Variants in DAPK2 observed in about 807,000 individuals in gnomAD.
DAPK2 encodes the protein death associated protein kinase 2.
Under a neutral mutation model 44.1 loss-of-function variants are expected in DAPK2, and 35 were observed. The observed-to-expected ratio is 0.79, with a 90% CI of 0.61 to 1.05. DAPK2 has a LOEUF of 1.05. Ranked by LOEUF, DAPK2 falls within the 50% of genes least tolerant of loss-of-function variation. The pLI is 0.00. For missense variants in DAPK2, 453 were observed against 483.2 expected (o/e 0.94, Z 0.59); for synonymous variants, 174 against 182.6 (o/e 0.95, Z 0.38).
intron 2 of DAPK2, among the ~76,000 whole-genome samples, chr15:63,973,889 G>T (rs1425178514): frequency 1.3e-5 from 2 of 152,042 alleles, no homozygotes; most frequent in South Asian, 2.1e-4. Flanking sequence ...CTCCAGGCAG[G>T]CCCTGGTTTC....
At chr15:63,956,971 T>C (rs1439511508) in intron 3 of DAPK2, among the ~76,000 whole-genome samples, 2 of 152,258 alleles carry the variant, frequency 1.3e-5, no homozygotes, top group Non-Finnish European at 2.9e-5. Flanking sequence ...ATGTGTATTC[T>C]GCAACTATTA....
chr15:63,977,076 C>G (rs28429075), intron 2 of DAPK2, among the ~76,000 whole-genome samples: 4,343 of 148,494 alleles, frequency 0.029, 210 homozygotes, highest in African/African-American at 0.098. Flanking sequence ...TCCAACATAT[C>G]AATGGCATCA....
At position 64,000,852 on chromosome 15, in the gene DAPK2, A is replaced by G. The variant is rs1232835541; in HGVS notation, c.93-17098T>C. On this transcript the variant is annotated intron_variant, in intron 1 of 10. Coordinates refer to ENST00000261891, the Ensembl canonical transcript of DAPK2. ...GCACCCTCTGACTGCTTACTCCCCAATCCTTCTCTTCTTCAAAACACTTGA... is the reference window on the plus strand; with the variant it reads ...GCACCCTCTGACTGCTTACTCCCCAGTCCTTCTCTTCTTCAAAACACTTGA... Among the ~76,000 whole-genome samples the G allele has an allele frequency of 3.3e-5, 5 of 151,930 alleles. No homozygotes were observed. The East Asian group carries it at 9.7e-4, about 30-fold the overall frequency.
chr15:63,954,123 T>C (rs1310502786), intron 3 of DAPK2, among the ~76,000 whole-genome samples: 3 of 152,224 alleles, frequency 2.0e-5, no homozygotes, highest in Non-Finnish European at 2.9e-5. Flanking sequence ...ACTTTGTTGA[T>C]TGTTTTCTTT....
chr15:63,995,294 C>A (rs984349289), intron 1 of DAPK2, among the ~76,000 whole-genome samples: 1 of 152,078 alleles, frequency 6.6e-6, no homozygotes, highest in African/African-American at 2.4e-5. Context: ...GGACTATAGG[C>A]GCCCACCACC....
intron 1 of DAPK2, among the ~76,000 whole-genome samples, chr15:64,018,604 C>T (rs1445324982): frequency 1.3e-5 from 2 of 152,170 alleles, no homozygotes; most frequent in Admixed American, 6.5e-5. Flanking sequence ...GGTCCCACAA[C>T]CCAGGCCACC....
chr15:64,036,317 A>G (rs867231988), intron 1 of DAPK2, among the ~76,000 whole-genome samples: 59 of 102,208 alleles, frequency 5.8e-4, no homozygotes, highest in African/African-American at 1.9e-3. Flanking sequence ...GTGTATATAT[A>G]TGTATATATA....
intron 5 of DAPK2, 44 bp from the exon 7 acceptor site, chr15:63,929,621 T>A: frequency 1.2e-6 from 2 of 1,613,042 alleles, no homozygotes; most frequent in Middle Eastern, 1.7e-4. Flanking sequence ...CTGGGTCCCA[T>A]CCCCGACCAG....
chr15:64,026,698 C>G (rs1331318287), intron 1 of DAPK2, among the ~76,000 whole-genome samples: 1 of 152,186 alleles, frequency 6.6e-6, no homozygotes, highest in African/African-American at 2.4e-5. Flanking sequence ...TCCTGTGAGC[C>G]AGCTTCTAAA....
At chr15:64,006,737 G>T (rs977939845) in intron 1 of DAPK2, among the ~76,000 whole-genome samples, 1 of 152,176 alleles carries the variant, frequency 6.6e-6, no homozygotes, top group African/African-American at 2.4e-5. Context: ...GACCAGACAG[G>T]TCTCCTGTCA....
chr15:64,001,371 G>A (rs2079081374), intron 1 of DAPK2, among the ~76,000 whole-genome samples: 1 of 152,170 alleles, frequency 6.6e-6, no homozygotes, highest in Non-Finnish European at 1.5e-5. Context: ...ATGTGATGGT[G>A]TAATCTCCTT....
intron 2 of DAPK2, among the ~76,000 whole-genome samples, chr15:63,972,642 A>G (rs563496335): frequency 4.6e-5 from 7 of 152,362 alleles, no homozygotes; most frequent in Admixed American, 4.6e-4. Flanking sequence ...CTTGTAAGCA[A>G]TAAAAATGGA....
chr15:63,929,951 GCCAACTATAAAGCAGCGT>G, intron 5 of DAPK2: 1 of 447,640 alleles, frequency 2.2e-6, no homozygotes, highest in South Asian at 1.9e-5. Context: ...AAGGTGCTTG[GCCAACTATAAAGCAGCGT>G]CCAAATGAAA....
intron 3 of DAPK2, among the ~76,000 whole-genome samples, chr15:63,959,456 G>C (rs758074649): frequency 2.0e-5 from 3 of 152,162 alleles, no homozygotes; most frequent in Non-Finnish European, 4.4e-5. Context: ...AATGCTTCCA[G>C]TTTGTGCCCA....
At position 63,939,099 on chromosome 15, in the gene DAPK2, T is replaced by C. The variant is rs898112779; in HGVS notation, c.583+133A>G. 4.2e-6 allele frequency: 6 copies of C among 1,443,358 alleles called. No individual in the cohort carries two copies. The East Asian group carries it at 1.4e-4, about 34-fold the overall frequency. 89.4% of individuals were successfully genotyped at this position (1,443,358 alleles called of 1,614,324 possible). A position where few individuals can be genotyped will look rare whatever the true frequency, so the allele number is the denominator to read the frequency against. ...AATAAGACATTTCCTTCCCCACCCA[T>C]TAGGTTTCTAGAGATGTCCCAATGC... On this transcript the variant is annotated intron_variant, in intron 4 of 10. Transcript: ENST00000261891. The surrounding 1 kb of genome is among the most constrained non-coding windows in gnomAD (Gnocchi z 4.3).
chr15:63,926,198 G>T, intron 6 of DAPK2, 105 bp from the exon 8 acceptor site: 2 of 1,329,036 alleles, frequency 1.5e-6, no homozygotes, highest in Non-Finnish European at 2.1e-6. Flanking sequence ...GGAGCTGGAA[G>T]GCTCCCAGCA....
At chr15:64,040,668 T>G (rs2080328824), upstream of DAPK2, among the ~76,000 whole-genome samples, 1 of 152,130 alleles carries the variant, frequency 6.6e-6, no homozygotes, top group Non-Finnish European at 1.5e-5. Context: ...CCCAGCACTT[T>G]GGGAGGCCGA....
At chr15:64,030,121 C>G (rs529498462) in intron 1 of DAPK2, 1 of 152,344 alleles carries the variant, frequency 6.6e-6, no homozygotes, top group South Asian at 2.1e-4. Context: ...GGAACCCGGT[C>G]TCTATTAAAA....
Position 63,924,959 on chromosome 15 carries a change from A to C in DAPK2, c.813-98T>G, listed in dbSNP as rs929458234. On this transcript the variant is annotated intron_variant, in intron 7 of 10. Transcript: ENST00000261891. ...CTTTTTAGACCTATATTTTGGCATT[A>C]TTTGGCCACTGCCGTCAAACCAGTG... 8.2e-6 allele frequency: 11 copies of C among 1,345,066 alleles called. No individual in the cohort carries two copies. In the South Asian group the frequency reaches 1.4e-4, roughly 17 times the overall value. The allele number at this position is 1,345,066 out of a possible 1,614,324, so 83.3% of individuals were successfully genotyped here.
Sources: gnomAD v4.1 joint callset for allele counts (sites outside exome capture counted in the v4.1 genomes callset) on GRCh38, gnomAD v4.1.1 for gene constraint, Gnocchi (gnomAD v3.1) non-coding constraint, MANE v1.5 for transcripts, NCBI Gene and HGNC (gene_info 2026-07-23, HGNC 2026-07-21) for gene names.